Variants in ATXN3 observed in about 807,000 individuals in gnomAD.
ATXN3 encodes the protein ataxin-3.
ATXN3 carries 28 observed loss-of-function variants against 58.2 expected under a neutral mutation model. The observed-to-expected ratio is 0.48, with a 90% CI of 0.36 to 0.66. The LOEUF (loss-of-function observed/expected upper bound fraction) is 0.66. Ranked by LOEUF, ATXN3 falls within the 30% of genes least tolerant of loss-of-function variation. The pLI is 0.00. For missense variants in ATXN3, 321 were observed against 422.1 expected, an observed-to-expected ratio of 0.76 and a Z score of 2.10; for synonymous variants, 113 against 138.5, an observed-to-expected ratio of 0.82 and a Z score of 1.29.
At chr14:92,094,330 C>T (rs1207862619) in intron 3 of ATXN3, among the ~76,000 whole-genome samples, 1 of 152,052 alleles carries the variant, frequency 6.6e-6, no homozygotes, top group East Asian at 1.9e-4. Context: ...CTTTTCATAC[C>T]AGGTCTCTGA....
At chr14:92,084,029 A>G (rs1464599293) in intron 6 of ATXN3, among the ~76,000 whole-genome samples, 7 of 152,148 alleles carry the variant, frequency 4.6e-5, no homozygotes, top group Non-Finnish European at 7.3e-5. Context: ...AGGGGCTCTC[A>G]GGCCTTTTGC....
chr14:92,094,716 C>A lies in ATXN3; in HGVS notation c.235-885G>T, dbSNP rs190730589. Among the ~76,000 whole-genome samples the A allele has an allele frequency of 8.5e-4, 130 of 152,258 alleles. 6 individuals are homozygous for A. In the East Asian group the frequency reaches 0.024, roughly 28 times the overall value. ...GTAGCCAACAAAGAAGCAAGTGAGCCAGGTACCAGCAAAGACAGAAATTGA... is the reference window on the plus strand; with the variant it reads ...GTAGCCAACAAAGAAGCAAGTGAGCAAGGTACCAGCAAAGACAGAAATTGA... On this transcript the variant is annotated intron_variant, in intron 3 of 10. Transcript: ENST00000644486.
At chr14:92,064,671 T>G (rs2058062803) in intron 10 of ATXN3, among the ~76,000 whole-genome samples, 1 of 152,184 alleles carries the variant, frequency 6.6e-6, no homozygotes, top group African/African-American at 2.4e-5. Context: ...TAATCCCAGA[T>G]AGCCACCAGT....
intron 9 of ATXN3, chr14:92,080,626 C>T (rs982076433): frequency 2.4e-5 from 8 of 330,848 alleles, no homozygotes; most frequent in Non-Finnish European, 3.0e-5. Flanking sequence ...CTCCACGTCC[C>T]GGGTTCAAGC....
chr14:92,067,424 T>G (rs191291161), intron 10 of ATXN3, among the ~76,000 whole-genome samples: 1 of 152,242 alleles, frequency 6.6e-6, no homozygotes, highest in African/African-American at 2.4e-5. Context: ...TTAGATGGAG[T>G]CTTGCTCTGT....
chr14:92,053,049 C>G (rs376707541), upstream of ATXN3, among the ~76,000 whole-genome samples: 1 of 152,058 alleles, frequency 6.6e-6, no homozygotes, highest in African/African-American at 2.4e-5. Flanking sequence ...GTCAGGAGTT[C>G]GAGATCAGCC....
At chr14:92,096,866 A>G (rs1295372590) in intron 1 of ATXN3, 28 bp from the exon 2 acceptor site, 1 of 1,599,508 alleles carries the variant, frequency 6.3e-7, no homozygotes, top group Non-Finnish European at 8.6e-7. Context: ...AAAAATTAAA[A>G]TGTGACTTGT....
At chr14:92,099,821 A>G (rs575218366) in intron 1 of ATXN3, among the ~76,000 whole-genome samples, 1 of 152,258 alleles carries the variant, frequency 6.6e-6, no homozygotes, top group African/African-American at 2.4e-5. Context: ...GTAAGCTGAG[A>G]CTGCACCACT....
rs542487157 is a variant in ATXN3, at chr14:92,090,077, A to T, written c.388-1260T>A. ...TAGTGAGACCCTGTCTCTATAATTT[A>T]AAAATGTTTTTAAAAAGCACTATCA... On this transcript the variant is annotated intron_variant, in intron 5 of 10. Transcript: ENST00000644486. Among the ~76,000 whole-genome samples, 3 of 152,186 alleles carry T rather than the reference A, an allele frequency of 2.0e-5. No homozygotes were observed. In the South Asian group the frequency reaches 6.2e-4, roughly 32 times the overall value.
At chr14:92,105,822 A>G (rs1009320981) in intron 1 of ATXN3, among the ~76,000 whole-genome samples, 3 of 152,210 alleles carry the variant, frequency 2.0e-5, no homozygotes, top group Non-Finnish European at 4.4e-5. Context: ...CCTAATACCT[A>G]AAAACAAAGC....
downstream of ATXN3, among the ~76,000 whole-genome samples, chr14:92,055,274 A>C (rs1406322277): frequency 6.6e-6 from 1 of 151,906 alleles, no homozygotes; most frequent in Non-Finnish European, 1.5e-5. The surrounding 1 kb of genome is among the most constrained non-coding windows in gnomAD (Gnocchi z 4.5). Context: ...ATTTTTCTTT[A>C]CTTTAACCTA....
At chr14:92,075,895 T>C (rs2060269256) in intron 9 of ATXN3, among the ~76,000 whole-genome samples, 1 of 152,196 alleles carries the variant, frequency 6.6e-6, no homozygotes, top group South Asian at 2.1e-4. Flanking sequence ...TGTAAGATAT[T>C]CTCAAGCTCT....
chr14:92,096,326 T>C, intron 2 of ATXN3, 189 bp from the exon 3 acceptor site: 2 of 1,457,436 alleles, frequency 1.4e-6, no homozygotes, highest in Non-Finnish European at 1.8e-6. Flanking sequence ...GGTATCCACA[T>C]TTTTAAAAGA....
Position 92,076,982 on chromosome 14 carries a change from G to A in ATXN3, c.872+3983C>T, listed in dbSNP as rs1958406179. Among the ~76,000 whole-genome samples, 6 of 141,832 alleles carry A rather than the reference G, an allele frequency of 4.2e-5. No individual in the cohort carries two copies. The South Asian group carries it at 1.4e-3, about 33-fold the overall frequency. 93.0% of individuals were successfully genotyped at this position (141,832 alleles called of 152,430 possible). On this transcript the variant is annotated intron_variant, in intron 9 of 10. Transcript: ENST00000644486. ...AAAGTCTGAAATAAACATGGTGAAA[G>A]TATCACATGGGAATTATTCTGGAAA... is the stretch of plus-strand genomic sequence containing the variant.
intron 9 of ATXN3, among the ~76,000 whole-genome samples, chr14:92,073,826 G>A (rs1156558466): frequency 6.6e-6 from 1 of 150,812 alleles, no homozygotes; most frequent in Non-Finnish European, 1.5e-5. Flanking sequence ...GTGACAGAGT[G>A]AGACTCTGTC....
At chr14:92,091,454 AG>A (rs765833506) in intron 5 of ATXN3, among the ~76,000 whole-genome samples, 18 of 151,752 alleles carry the variant, frequency 1.2e-4, no homozygotes, top group Admixed American at 2.0e-4. Context: ...CCGTCTCAAA[AG>A]AAGGAAAGAA....
upstream of ATXN3, chr14:92,050,581 C>T (rs2057444592): frequency 6.6e-6 from 1 of 152,254 alleles, no homozygotes; most frequent in Non-Finnish European, 1.5e-5. Flanking sequence ...AAATAACTAT[C>T]AGCTGCAAGC....
At chr14:92,076,542 A>G (rs866230076) in intron 9 of ATXN3, among the ~76,000 whole-genome samples, 124 of 150,104 alleles carry the variant, frequency 8.3e-4, no homozygotes, top group African/African-American at 3.0e-3. Flanking sequence ...AGAGCAGTTT[A>G]TTTTTATGCT....
intron 5 of ATXN3, among the ~76,000 whole-genome samples, chr14:92,089,608 G>A (rs1175786381): frequency 6.6e-6 from 1 of 152,120 alleles, no homozygotes; most frequent in Non-Finnish European, 1.5e-5. Flanking sequence ...AAAGTGCTGG[G>A]ATTACAGGTG....
Sources: gnomAD v4.1 joint callset for allele counts (sites outside exome capture counted in the v4.1 genomes callset) on GRCh38, gnomAD v4.1.1 for gene constraint, Gnocchi (gnomAD v3.1) non-coding constraint, MANE v1.5 for transcripts, NCBI Gene and HGNC (gene_info 2026-07-23, HGNC 2026-07-21) for gene names.